The following GALNT13 variants were observed in gnomAD, a reference collection of about 807,000 sequenced individuals.
GALNT13 encodes the protein UDP-GalNAc:polypeptide N-acetylgalactosaminyltransferase 13.
A neutral mutation model predicts 64.2 loss-of-function variants in GALNT13; 28 were observed. That is an observed-to-expected ratio of 0.44 (90% CI 0.32 to 0.60). The LOEUF (loss-of-function observed/expected upper bound fraction) is 0.60, where lower values mean the gene tolerates loss of function less well. Among genes scored for constraint, GALNT13 ranks in the 20% least tolerant of loss-of-function variants. The pLI, the probability that GALNT13 is intolerant of heterozygous loss-of-function variation, is 0.05. For missense variants in GALNT13, 577 were observed against 669.8 expected, an observed-to-expected ratio of 0.86 and a Z score of 1.53; for synonymous variants, 214 against 224.6, an observed-to-expected ratio of 0.95 and a Z score of 0.42.
intron 7 of GALNT13, among the ~76,000 whole-genome samples, chr2:154,257,045 A>G (rs1399712518): frequency 1.3e-5 from 2 of 152,128 alleles, no homozygotes; most frequent in Non-Finnish European, 2.9e-5. Flanking sequence ...AGAGTCTCCA[A>G]TCTGAGAGAG....
chr2:154,141,855 G>A (rs563356730), intron 4 of GALNT13, among the ~76,000 whole-genome samples: 39 of 152,178 alleles, frequency 2.6e-4, no homozygotes, highest in Admixed American at 1.2e-3. Flanking sequence ...AATATTGCAC[G>A]AAAAATGATG....
the GALNT13 span, among the ~76,000 whole-genome samples, chr2:153,073,844 T>C: frequency 1.1e-4 from 17 of 152,206 alleles, no homozygotes; most frequent in African/African-American, 3.6e-4. Context: ...TTAATCTACA[T>C]GTTGCTTCTT....
chr2:153,579,210 A>G, the GALNT13 span, among the ~76,000 whole-genome samples: 2 of 152,166 alleles, frequency 1.3e-5, no homozygotes, highest in African/African-American at 4.8e-5. Context: ...GATTGATTGG[A>G]AGATCTAACC....
chr2:154,213,976 A>G (rs1166877555), intron 4 of GALNT13, among the ~76,000 whole-genome samples: 5 of 152,136 alleles, frequency 3.3e-5, no homozygotes, highest in African/African-American at 9.7e-5. Context: ...TCTCATTTAA[A>G]CAATTTTGAC....
chr2:154,063,748 G>A (rs989994672), intron 3 of GALNT13, among the ~76,000 whole-genome samples: 40 of 152,008 alleles, frequency 2.6e-4, no homozygotes, highest in African/African-American at 9.7e-4. Context: ...TTAAATGAGA[G>A]GTCTAGTTTC....
In GALNT13 at chr2:154,433,135, G is replaced by A. The variant is rs116122139; in HGVS notation, c.1396-5457G>A. Among the ~76,000 whole-genome samples the A allele has an allele frequency of 7.7e-3, 1,177 of 152,300 alleles. 22 individuals are homozygous for A. Among genetic ancestry groups the A allele is most frequent in the African/African-American group, 0.026 (1,093 of 41,562 alleles). On this transcript the variant is annotated intron_variant, in intron 11 of 12. Transcript: ENST00000392825. Reference sequence around the variant, plus strand: ...CTGGGACCTGCAAATTATGCAGGATGCCAGTTGGAGAGCTTGGTATATGCT... The same window carrying A: ...CTGGGACCTGCAAATTATGCAGGATACCAGTTGGAGAGCTTGGTATATGCT...
the GALNT13 span, among the ~76,000 whole-genome samples, chr2:153,132,450 A>G: frequency 6.6e-6 from 1 of 152,228 alleles, no homozygotes; most frequent in African/African-American, 2.4e-5. Context: ...CAGAAAAAGT[A>G]ATAGAGACTA....
intron 3 of GALNT13, among the ~76,000 whole-genome samples, chr2:154,090,702 A>T (rs984838063): frequency 1.3e-5 from 2 of 151,978 alleles, no homozygotes; most frequent in African/African-American, 4.8e-5. Context: ...TATGAAAATA[A>T]CTTTCCTCTA....
downstream of GALNT13, among the ~76,000 whole-genome samples, chr2:154,455,496 G>A (rs1702020258): frequency 6.6e-6 from 1 of 152,144 alleles, no homozygotes; most frequent in African/African-American, 2.4e-5. Context: ...CAGTTGGGCA[G>A]CAAAAACTCA....
chr2:153,209,656 C>A, the GALNT13 span, among the ~76,000 whole-genome samples: 1 of 152,066 alleles, frequency 6.6e-6, no homozygotes, highest in Non-Finnish European at 1.5e-5. Flanking sequence ...TGGTCTTCTG[C>A]ATGTTCTAAT....
At chr2:153,549,154 G>A in the GALNT13 span, among the ~76,000 whole-genome samples, 12 of 152,080 alleles carry the variant, frequency 7.9e-5, no homozygotes, top group Admixed American at 7.9e-4. Context: ...GTTTCTTTTT[G>A]GGGTGATAAT....
the GALNT13 span, among the ~76,000 whole-genome samples, chr2:153,353,855 A>G: frequency 1.3e-5 from 2 of 152,052 alleles, no homozygotes; most frequent in Non-Finnish European, 2.9e-5. Flanking sequence ...TTTGTTAGTC[A>G]TTTTATTTTC....
chr2:154,230,092 TG>T (rs1388720380), intron 4 of GALNT13, among the ~76,000 whole-genome samples: 3 of 152,048 alleles, frequency 2.0e-5, no homozygotes, highest in Non-Finnish European at 2.9e-5. Flanking sequence ...GCTTTGAACT[TG>T]GGTGGATGGT....
intron 4 of GALNT13, among the ~76,000 whole-genome samples, chr2:154,203,455 A>G (rs1177491072): frequency 6.6e-6 from 1 of 152,126 alleles, no homozygotes; most frequent in African/African-American, 2.4e-5. Flanking sequence ...CTCTCTCTCC[A>G]TATAGATAGA....
intron 7 of GALNT13, among the ~76,000 whole-genome samples, chr2:154,257,244 A>C (rs1442539861): frequency 6.6e-6 from 1 of 152,158 alleles, no homozygotes; most frequent in Non-Finnish European, 1.5e-5. Flanking sequence ...AAGAATGATG[A>C]CCAACTGTAA....
chr2:154,105,369 A>G (rs1702557701), intron 3 of GALNT13, among the ~76,000 whole-genome samples: 1 of 152,190 alleles, frequency 6.6e-6, no homozygotes, highest in Non-Finnish European at 1.5e-5. Flanking sequence ...ATTAGATTAT[A>G]ATACCATAGT....
intron 4 of GALNT13, among the ~76,000 whole-genome samples, chr2:154,170,902 A>G (rs16836167): frequency 0.083 from 12,562 of 152,206 alleles, 1,478 homozygotes; most frequent in East Asian, 0.63. Flanking sequence ...ATACTCTGGA[A>G]CAACTTGGGT....
At chr2:153,182,941 T>C in the GALNT13 span, among the ~76,000 whole-genome samples, 44 of 152,034 alleles carry the variant, frequency 2.9e-4, no homozygotes, top group Admixed American at 2.8e-3. Context: ...ATGTATATAA[T>C]AGAAAAGGAT....
At chr2:153,200,308 C>A in the GALNT13 span, among the ~76,000 whole-genome samples, 1 of 152,316 alleles carries the variant, frequency 6.6e-6, no homozygotes, top group African/African-American at 2.4e-5. Context: ...TACTTCAAGT[C>A]TGCTGGTTAA....
Sources: allele counts gnomAD v4.1 joint callset (sites outside exome capture counted in the v4.1 genomes callset), GRCh38; gene constraint gnomAD v4.1.1; transcripts MANE v1.5; gene names NCBI Gene and HGNC (gene_info 2026-07-23, HGNC 2026-07-21).